Variants in BRWD3 observed in about 807,000 individuals in gnomAD.
The protein encoded by BRWD3 is bromodomain and WD repeat-containing protein 3.
BRWD3 carries 10 observed loss-of-function variants against 149.7 expected under a neutral mutation model. The observed-to-expected ratio is 0.07, with a 90% CI of 0.04 to 0.11. The LOEUF is 0.11. Ranked by LOEUF, BRWD3 falls within the 10% of genes least tolerant of loss-of-function variation. The pLI is 1.00. For missense variants in BRWD3, 940 were observed against 1,373.2 expected (o/e 0.68, Z 4.99); for synonymous variants, 504 against 456.7 (o/e 1.10, Z -1.32).
chrX:80,745,799 T>A, intron 6 of BRWD3, 70 bp from the exon 7 acceptor site: 2 of 986,336 alleles, frequency 2.0e-6, no homozygotes, highest in Non-Finnish European at 2.8e-6. Flanking sequence ...GTCATAAATA[T>A]TAAGATGAGA....
intron 6 of BRWD3, among the ~76,000 whole-genome samples, chrX:80,769,517 A>AG (rs1354583270): frequency 8.9e-6 from 1 of 111,808 alleles, no homozygotes; most frequent in African/African-American, 3.3e-5. Context: ...AAATGAAGGC[A>AG]GAAAAAAAGA....
chrX:80,714,637 G>A (rs2073049635), intron 20 of BRWD3, among the ~76,000 whole-genome samples: 1 of 111,528 alleles, frequency 9.0e-6, no homozygotes, highest in African/African-American at 3.3e-5. Context: ...GACCATCTCA[G>A]GCACAGAGTC....
chrX:80,743,437 T>G (rs970657850), intron 8 of BRWD3, among the ~76,000 whole-genome samples: 1 of 111,929 alleles, frequency 8.9e-6, no homozygotes, highest in Non-Finnish European at 1.9e-5. Context: ...GATTCCCTCT[T>G]TTTCTATTGA....
At chrX:80,701,683 T>C (rs771362958) in intron 24 of BRWD3, among the ~76,000 whole-genome samples, 3 of 109,234 alleles carry the variant, frequency 2.7e-5, no homozygotes, top group Non-Finnish European at 5.7e-5. Flanking sequence ...GAATTTCTAA[T>C]AGCTAAAAAT....
intron 8 of BRWD3, among the ~76,000 whole-genome samples, chrX:80,740,686 CT>C (rs2073474140): frequency 1.8e-5 from 2 of 111,341 alleles, no homozygotes; most frequent in Admixed American, 9.6e-5. Context: ...GAGGTGGAGG[CT>C]GCAGTGAGCC....
chrX:80,714,724 T>TA (rs1340238486), intron 20 of BRWD3, among the ~76,000 whole-genome samples: 2 of 112,096 alleles, frequency 1.8e-5, no homozygotes, highest in African/African-American at 6.5e-5. Context: ...TCAAATATTT[T>TA]AAAATTTGAT....
chrX:80,684,557 T>A (rs577549344), intron 36 of BRWD3, among the ~76,000 whole-genome samples: 2 of 111,881 alleles, frequency 1.8e-5, no homozygotes, highest in South Asian at 7.5e-4. Flanking sequence ...TAGGCACATA[T>A]TTCCACGATT....
At chrX:80,743,885 A>G in intron 8 of BRWD3, 147 bp downstream of exon 8, 1 of 405,449 alleles carries the variant, frequency 2.5e-6, no homozygotes, top group Non-Finnish European at 4.3e-6. Flanking sequence ...TTAAAAAAAT[A>G]TCTTGCTGCA....
At chrX:80,757,555 A>G (rs1208418220) in intron 6 of BRWD3, among the ~76,000 whole-genome samples, 1 of 112,424 alleles carries the variant, frequency 8.9e-6, no homozygotes, top group Non-Finnish European at 1.9e-5. Flanking sequence ...ATAATTCACT[A>G]GTAGATAAAT....
At chrX:80,772,343 T>C (rs913435864) in intron 6 of BRWD3, among the ~76,000 whole-genome samples, 1 of 111,186 alleles carries the variant, frequency 9.0e-6, no homozygotes, top group African/African-American at 3.3e-5. Context: ...TTGGAAACCA[T>C]CATTCTGAGC....
In BRWD3 at chrX:80,754,793, GGTCA is replaced by G. The variant is rs1049846492; in HGVS notation, c.431-9068_431-9065del. ...AGGCTGAGGCAGGCAGATCACTTGA[GGTCA>G]GGAGTTTGAGACCAGCCTGGCCAAC... On this transcript the variant is annotated intron_variant, in intron 6 of 40. Coordinates refer to ENST00000373275, the MANE Select transcript of BRWD3 (RefSeq NM_153252.5). Among the ~76,000 whole-genome samples, 4 of 111,776 alleles carry G rather than the reference GGTCA, an allele frequency of 3.6e-5. No individual in the cohort carries two copies. The Admixed American group carries it at 3.8e-4, about 11-fold the overall frequency.
At chrX:80,721,150 A>T (rs746526931) in intron 17 of BRWD3, among the ~76,000 whole-genome samples, 9 of 112,195 alleles carry the variant, frequency 8.0e-5, no homozygotes, top group Non-Finnish European at 1.7e-4. Context: ...AAACTTAATG[A>T]TTATTTCTGA....
In BRWD3 at chrX:80,734,195, T is replaced by A. The variant is rs1424725628; in HGVS notation, c.1009A>T (p.Ser337Cys). Reference protein sequence around the residue: ...SSGGMFITTGSTDHVIRIYYL... With the variant: ...SSGGMFITTGCTDHVIRIYYL... ...TATATTCTAATCACATGGTCAGTAC[T>A]ACCAGTTGTAATGAACATACCACCT... The change falls in exon 11 of 41, where the codon AGT (serine) becomes TGT (cysteine). Residue 337 changes from serine (S) to cysteine (C), a missense_variant. Physicochemically the swap from Ser to Cys is moderately radical, Grantham distance 112. Transcript: ENST00000373275. 8.4e-7 allele frequency: 1 copy of A among 1,188,906 alleles called. No individual in the cohort carries two copies. Among genetic ancestry groups the A allele is most frequent in the Non-Finnish European group, 1.1e-6 (1 of 876,560 alleles).
chrX:80,743,949 A>G, intron 8 of BRWD3, 83 bp downstream of exon 8: 1 of 815,864 alleles, frequency 1.2e-6, no homozygotes, highest in Non-Finnish European at 1.8e-6. Context: ...TCTTTGGGCT[A>G]TTATCTATAC....
intron 8 of BRWD3, among the ~76,000 whole-genome samples, chrX:80,740,230 G>T (rs1436364801): frequency 1.8e-5 from 2 of 111,034 alleles, no homozygotes; most frequent in African/African-American, 3.3e-5. Context: ...AAAGTAAATG[G>T]GTATAATTAT....
chrX:80,761,210 A>G (rs1165401649), intron 6 of BRWD3, among the ~76,000 whole-genome samples: 4 of 112,257 alleles, frequency 3.6e-5, no homozygotes, highest in Non-Finnish European at 7.5e-5. Context: ...GCATCAACCT[A>G]TTCCTTCCTG....
At chrX:80,687,864 C>G (rs1407762642) in intron 34 of BRWD3, among the ~76,000 whole-genome samples, 2 of 110,094 alleles carry the variant, frequency 1.8e-5, no homozygotes, top group African/African-American at 6.6e-5. Context: ...ATAATTTTCT[C>G]CAGACTCTGC....
chrX:80,761,984 C>T (rs2073807928), intron 6 of BRWD3, among the ~76,000 whole-genome samples: 1 of 111,365 alleles, frequency 9.0e-6, no homozygotes, highest in South Asian at 3.8e-4. Flanking sequence ...TTACTATATC[C>T]TAATGAAATT....
chrX:80,729,881 T>G (rs1410476614), intron 13 of BRWD3, 35 bp downstream of exon 13: 157 of 914,093 alleles, frequency 1.7e-4, no homozygotes, highest in Middle Eastern at 2.6e-4. Context: ...AAATATATCA[T>G]GAGAACCACA....
Sources: gnomAD v4.1 joint callset for allele counts (sites outside exome capture counted in the v4.1 genomes callset) on GRCh38, gnomAD v4.1.1 for gene constraint, MANE v1.5 for transcripts, NCBI Gene and HGNC (gene_info 2026-07-23, HGNC 2026-07-21) for gene names.